Variants in DENND6B observed in about 807,000 individuals in gnomAD.
DENND6B encodes DENN domain containing 6B, also known as protein DENND6B.
In DENND6B, 73 loss-of-function variants were observed where a neutral mutation model predicts 85.1. The observed-to-expected ratio is 0.86, with a 90% CI of 0.71 to 1.04. DENND6B has a LOEUF of 1.04. DENND6B is among the 50% of genes least tolerant of loss of function. The probability of loss-of-function intolerance (pLI) is 0.00; values close to 1 mark genes in which losing one functional copy is unlikely to be tolerated. For synonymous variants in DENND6B, 357 were observed against 329.3 expected, an observed-to-expected ratio of 1.08 and a Z score of -0.91; for missense variants, 715 against 785.8, an observed-to-expected ratio of 0.91 and a Z score of 1.08.
intron 1 of DENND6B, among the ~76,000 whole-genome samples, chr22:50,325,932 CTGA>C (rs2042177046): frequency 6.6e-6 from 1 of 152,224 alleles, no homozygotes; most frequent in African/African-American, 2.4e-5. Flanking sequence ...CCTGGCTTTC[CTGA>C]TGATGATGAT....
At chr22:50,315,180 G>C in intron 9 of DENND6B, 2 of 514,418 alleles carry the variant, frequency 3.9e-6, no homozygotes, top group Non-Finnish European at 6.8e-6. Flanking sequence ...CAGCCATCCC[G>C]AAGTGGCCCC....
intron 1 of DENND6B, among the ~76,000 whole-genome samples, chr22:50,321,379 TGA>T (rs886622309): frequency 2.0e-5 from 3 of 152,198 alleles, no homozygotes; most frequent in African/African-American, 7.2e-5. Flanking sequence ...ATTTATTTTT[TGA>T]GACGGGGTCT....
chr22:50,326,895 C>A lies in DENND6B; in HGVS notation c.94G>T (p.Ala32Ser). The A allele has an allele frequency of 7.1e-7, 1 of 1,402,828 alleles. No homozygotes were observed. Among genetic ancestry groups the A allele is most frequent in the Non-Finnish European group, 9.3e-7 (1 of 1,078,666 alleles). 86.9% of individuals were successfully genotyped at this position (1,402,828 alleles called of 1,614,324 possible). ...TSSGRAARTP[A>S]APWARFSAWL... The stretch of plus-strand genomic sequence containing the variant: ...GCGGAGAAGCGCGCCCAGGGCGCCG[C>A]CGGGGTCCGCGCCGCGCGACCTGAA... Residue 32 changes from alanine (A) to serine (S), a missense_variant, in exon 1 of 20, where the codon GCG becomes TCG. Physicochemically the swap from Ala to Ser is moderately conservative, Grantham distance 99 (BLOSUM62 1). Coordinates refer to ENST00000413817, the MANE Select transcript of DENND6B (RefSeq NM_001001794.4).
chr22:50,314,135 C>T (rs552059657), intron 13 of DENND6B, 72 bp downstream of exon 13: 2 of 1,504,636 alleles, frequency 1.3e-6, no homozygotes, highest in Admixed American at 2.1e-5. Flanking sequence ...GGCTGCCCCA[C>T]CCGAGAGACC....
chr22:50,317,123 G>GAGGACCGGGTGGGGGGGCGGCA, intron 5 of DENND6B, 170 bp downstream of exon 5: 1 of 526,106 alleles, frequency 1.9e-6, no homozygotes, highest in Non-Finnish European at 3.3e-6. Context: ...GGGGGGCGGC[G>GAGGACCGGGTGGGGGGGCGGCA]AGGACAGGGT....
rs2068025252 is a variant in DENND6B at position 50,309,092 on chromosome 22, G to A, written c.*3047C>T. The stretch of plus-strand genomic sequence containing the variant: ...GGAAGGCCACTGTTCTAGACTAAAA[G>A]GGAGTCTTTAAATAGCCAGCAGGAA... On this transcript the variant is annotated 3_prime_UTR_variant, in exon 20 of 20. Coordinates refer to ENST00000413817, the MANE Select transcript of DENND6B (RefSeq NM_001001794.4). 6.6e-6 allele frequency: 1 copy of A among 152,228 alleles called. No homozygotes were observed. 9.4% of individuals were successfully genotyped at this position (152,228 alleles called of 1,614,324 possible). A position where few individuals can be genotyped will look rare whatever the true frequency, so the allele number is the denominator to read the frequency against.
At chr22:50,326,750 G>A (rs2042200315) in intron 1 of DENND6B, 62 bp downstream of exon 1, 3 of 1,291,800 alleles carry the variant, frequency 2.3e-6, no homozygotes, top group Non-Finnish European at 2.9e-6. Flanking sequence ...AAGCGAGGCG[G>A]GACTGGCCCC....
At chr22:50,326,318 G>A (rs1163781943) in intron 1 of DENND6B, among the ~76,000 whole-genome samples, 1 of 152,246 alleles carries the variant, frequency 6.6e-6, no homozygotes, top group Non-Finnish European at 1.5e-5. Context: ...GTTTTAAGCA[G>A]GAGAGCCACA....
chr22:50,318,246 G>A (rs1487233863), intron 3 of DENND6B, among the ~76,000 whole-genome samples: 2 of 152,198 alleles, frequency 1.3e-5, no homozygotes, highest in Non-Finnish European at 2.9e-5. Context: ...AGGAGGCTGA[G>A]GCAGGAGAAT....
At chr22:50,319,376 A>G in intron 1 of DENND6B, 1 of 985,360 alleles carries the variant, frequency 1.0e-6, no homozygotes, top group Non-Finnish European at 1.2e-6. Context: ...AGAGGCCAGC[A>G]CAATTGGGTG....
At chr22:50,322,046 TA>T (rs34878722) in intron 1 of DENND6B, among the ~76,000 whole-genome samples, 78,369 of 145,790 alleles carry the variant, frequency 0.54, 21,363 homozygotes, top group East Asian at 0.61. Flanking sequence ...TAACCAATAT[TA>T]AAAAAAAAAA....
chr22:50,326,813 T>C lies in DENND6B; in HGVS notation c.176A>G (p.Glu59Gly). The change falls in exon 1 of 20, where the codon GAG becomes GGG. Residue 59 changes from glutamate to glycine, a missense_variant and splice_region_variant. By Grantham distance (98) the Glu-to-Gly change is moderately conservative. Transcript: ENST00000413817. ...TFDLELGQAL[E>G]LVYPNDFRLT... Reference sequence around the variant, plus strand: ...GCGCCCGCGCTCGCGCCCGCTCACCTCCAGCGCCTGGCCCAGCTCCAGGTC... The same window carrying C: ...GCGCCCGCGCTCGCGCCCGCTCACCCCCAGCGCCTGGCCCAGCTCCAGGTC... 3 of 1,404,308 alleles carry C rather than the reference T, an allele frequency of 2.1e-6. No homozygotes were observed. Among genetic ancestry groups the C allele is most frequent in the Non-Finnish European group, 2.8e-6 (3 of 1,082,230 alleles). The allele number at this position is 1,404,308 out of a possible 1,614,324, so 87.0% of individuals were successfully genotyped here.
Position 50,312,240 on chromosome 22 carries a change from GCTGGTGGCCCTGAGCCCGCA to G in DENND6B, c.1637_1656del (p.Val546AlafsTer49), listed in dbSNP as rs2068073195. ...TGCAGCGTAGCCTCCTTCACAGGGA[GCTGGTGGCCCTGAGCCCGCA>G]CCTGGAGGGGCAGCCATGGTCAGGG... On this transcript the variant is annotated frameshift_variant and splice_region_variant, in exon 20 of 20. Coordinates refer to ENST00000413817, the MANE Select transcript of DENND6B (RefSeq NM_001001794.4). LOFTEE classifies it high-confidence loss of function. 2 of 1,612,284 alleles carry G rather than the reference GCTGGTGGCCCTGAGCCCGCA, an allele frequency of 1.2e-6. No homozygotes were observed. Among genetic ancestry groups the G allele is most frequent in the Non-Finnish European group, 1.7e-6 (2 of 1,179,680 alleles).
In DENND6B at chr22:50,310,859, G is replaced by A. The variant is rs1348139095; in HGVS notation, c.*1280C>T. The A allele has an allele frequency of 6.6e-6, 1 of 152,090 alleles. No homozygotes were observed. Among genetic ancestry groups the A allele is most frequent in the Non-Finnish European group, 1.5e-5 (1 of 68,028 alleles). 9.4% of individuals were successfully genotyped at this position (152,090 alleles called of 1,614,324 possible). A position where few individuals can be genotyped will look rare whatever the true frequency, so the allele number is the denominator to read the frequency against. Reference sequence around the variant, plus strand: ...CTCGGGAGGCTGAGGCAGGAGAATGGCGTGAACCCGGGAGGCAGAGCTTGC... The same window carrying A: ...CTCGGGAGGCTGAGGCAGGAGAATGACGTGAACCCGGGAGGCAGAGCTTGC... On this transcript the variant is annotated 3_prime_UTR_variant, in exon 20 of 20. Coordinates refer to ENST00000413817, the MANE Select transcript of DENND6B (RefSeq NM_001001794.4).
chr22:50,316,698 GCTGGACCCTAGGGC>G, intron 5 of DENND6B: 2 of 1,477,644 alleles, frequency 1.4e-6, no homozygotes, highest in Non-Finnish European at 1.8e-6. Context: ...GGCCGGTGGG[GCTGGACCCTAGGGC>G]CTTCGGAGGG....
rs766341791 is a variant in DENND6B at position 50,314,287 on chromosome 22, C to T, written c.1073-15G>A. ...AGGCAGGTCTCCTACGAGACACGCC[C>T]GGTGGCCAGGCCTCAGTGCCCGCAG... On this transcript the variant is annotated splice_polypyrimidine_tract_variant and intron_variant, in intron 12 of 19. Coordinates refer to ENST00000413817, the MANE Select transcript of DENND6B (RefSeq NM_001001794.4). 7 of 1,607,920 alleles carry T rather than the reference C, an allele frequency of 4.4e-6. No homozygotes were observed. Among genetic ancestry groups the T allele is most frequent in the South Asian group, 2.2e-5 (2 of 90,670 alleles).
At chr22:50,326,161 T>C (rs557883975) in intron 1 of DENND6B, among the ~76,000 whole-genome samples, 1 of 152,312 alleles carries the variant, frequency 6.6e-6, no homozygotes, top group East Asian at 1.9e-4. Flanking sequence ...AGTGGAGGCC[T>C]GCAGGCAGCA....
At chr22:50,322,505 C>T (rs924847249) in intron 1 of DENND6B, among the ~76,000 whole-genome samples, 3 of 152,114 alleles carry the variant, frequency 2.0e-5, no homozygotes, top group Non-Finnish European at 4.4e-5. Context: ...TCTGAGGGAG[C>T]TGGGATGTTG....
intron 1 of DENND6B, among the ~76,000 whole-genome samples, chr22:50,323,019 G>A (rs1433751465): frequency 2.1e-5 from 1 of 48,738 alleles, no homozygotes; most frequent in South Asian, 5.9e-4. Context: ...CCCGGCTAAT[G>A]CTTTTTTTTT....
Sources: allele counts gnomAD v4.1 joint callset (sites outside exome capture counted in the v4.1 genomes callset), GRCh38; gene constraint gnomAD v4.1.1; transcripts MANE v1.5; gene names NCBI Gene and HGNC (gene_info 2026-07-23, HGNC 2026-07-21).